The following PATJ variants were observed in gnomAD, a reference collection of about 807,000 sequenced individuals.
The protein encoded by PATJ is inaD-like protein.
A neutral mutation model predicts 224.9 loss-of-function variants in PATJ; 190 were observed. That is an observed-to-expected ratio of 0.84 (90% CI 0.75 to 0.95). The LOEUF is 0.95. Ranked by LOEUF, PATJ falls within the 40% of genes least tolerant of loss-of-function variation. The probability of loss-of-function intolerance (pLI) is 0.00; values close to 1 mark genes in which losing one functional copy is unlikely to be tolerated. For missense variants in PATJ, 2,121 were observed against 2,270.3 expected, an observed-to-expected ratio of 0.93 and a Z score of 1.34; for synonymous variants, 769 against 820.3, an observed-to-expected ratio of 0.94 and a Z score of 1.07.
chr1:61,900,691 G>A (rs1226538746), intron 23 of PATJ, among the ~76,000 whole-genome samples: 6 of 152,022 alleles, frequency 3.9e-5, no homozygotes, highest in Admixed American at 1.3e-4. Context: ...CCGGGTTCAC[G>A]CCATTCTCCT....
At chr1:61,891,450 A>T (rs1669597435) in intron 22 of PATJ, among the ~76,000 whole-genome samples, 1 of 152,168 alleles carries the variant, frequency 6.6e-6, no homozygotes, top group Non-Finnish European at 1.5e-5. Flanking sequence ...TGCATTTCAG[A>T]GAGAGGGCTA....
chr1:61,794,501 TTG>T (rs1412257520), intron 9 of PATJ, among the ~76,000 whole-genome samples: 3 of 152,142 alleles, frequency 2.0e-5, no homozygotes, highest in African/African-American at 7.2e-5. Context: ...TGCAGATCTA[TTG>T]TGTTTTATTT....
At chr1:61,909,220 T>C (rs1202143095) in intron 25 of PATJ, among the ~76,000 whole-genome samples, 1 of 152,194 alleles carries the variant, frequency 6.6e-6, no homozygotes, top group Non-Finnish European at 1.5e-5. Flanking sequence ...CCTCAAGTGA[T>C]CTGCGCACCT....
intron 43 of PATJ, among the ~76,000 whole-genome samples, chr1:62,158,653 A>T (rs796981708): frequency 6.8e-5 from 9 of 132,904 alleles, no homozygotes; most frequent in African/African-American, 2.3e-4. Context: ...CCGGCGAGGC[A>T]GAGCTTGCAG....
intron 33 of PATJ, among the ~76,000 whole-genome samples, chr1:62,094,375 C>T (rs1488418468): frequency 6.6e-6 from 1 of 152,016 alleles, no homozygotes; most frequent in Non-Finnish European, 1.5e-5. Context: ...GCGTGGGTGA[C>T]AAAGTAAGAC....
intron 8 of PATJ, among the ~76,000 whole-genome samples, chr1:61,788,218 A>G (rs1649004578): frequency 6.6e-6 from 1 of 152,192 alleles, no homozygotes; most frequent in South Asian, 2.1e-4. Context: ...GAATAATAAT[A>G]CTTGCCTTGT....
intron 28 of PATJ, among the ~76,000 whole-genome samples, chr1:62,014,973 C>T (rs1409758708): frequency 6.6e-6 from 1 of 152,066 alleles, no homozygotes. Context: ...ATAATCTAGA[C>T]AGTGGACGTA....
At chr1:61,753,086 C>T (rs1468284885) in intron 1 of PATJ, among the ~76,000 whole-genome samples, 1 of 152,096 alleles carries the variant, frequency 6.6e-6, no homozygotes, top group Non-Finnish European at 1.5e-5. Flanking sequence ...TTAGACACAT[C>T]CTGAGCTTTG....
chr1:61,996,746 T>C (rs28439277), intron 28 of PATJ, among the ~76,000 whole-genome samples: 5 of 94,006 alleles, frequency 5.3e-5, no homozygotes, highest in East Asian at 2.3e-4. Flanking sequence ...CTTTTCTTTT[T>C]TTTTTTTTTT....
chr1:61,944,794 A>T (rs1208342116), intron 27 of PATJ, among the ~76,000 whole-genome samples: 1 of 152,236 alleles, frequency 6.6e-6, no homozygotes, highest in African/African-American at 2.4e-5. Flanking sequence ...CGAAGTTGAA[A>T]TGAAGGAAAA....
intron 1 of PATJ, among the ~76,000 whole-genome samples, chr1:61,745,938 T>TTTTA (rs1432736463): frequency 6.6e-6 from 1 of 150,938 alleles, no homozygotes; most frequent in Admixed American, 6.6e-5. Flanking sequence ...TATTCATTTA[T>TTTTA]TTTATTTATT....
chr1:62,137,967 A>G (rs1484833642), intron 41 of PATJ, among the ~76,000 whole-genome samples: 2 of 151,570 alleles, frequency 1.3e-5, no homozygotes, highest in African/African-American at 4.8e-5. Flanking sequence ...TCCTCGGATG[A>G]GGAGATTTTC....
intron 27 of PATJ, among the ~76,000 whole-genome samples, chr1:61,933,156 G>A (rs1424150280): frequency 4.6e-5 from 7 of 152,154 alleles, no homozygotes; most frequent in African/African-American, 1.4e-4. Context: ...TCAATGCGTA[G>A]CTCTTGGCAA....
intron 17 of PATJ, among the ~76,000 whole-genome samples, chr1:61,845,322 G>A (rs1661758752): frequency 6.6e-6 from 1 of 152,150 alleles, no homozygotes; most frequent in African/African-American, 2.4e-5. Flanking sequence ...TCCTGAGTCT[G>A]TGGTTTTGTC....
At chr1:61,925,866 A>G (rs759521466) in intron 26 of PATJ, among the ~76,000 whole-genome samples, 10 of 152,254 alleles carry the variant, frequency 6.6e-5, no homozygotes, top group African/African-American at 9.6e-5. Flanking sequence ...TTAAGATTCC[A>G]ATTTAGATAC....
At position 61,753,655 on chromosome 1, in the gene PATJ, G is replaced by A. The variant is rs112172836; in HGVS notation, c.-35-9203G>A. Among the ~76,000 whole-genome samples the A allele has an allele frequency of 3.0e-3, 458 of 151,840 alleles. 3 individuals are homozygous for A. Among genetic ancestry groups the A allele is most frequent in the African/African-American group, 0.011 (437 of 41,454 alleles). On this transcript the variant is annotated intron_variant, in intron 1 of 43. Coordinates refer to ENST00000642238, the MANE Select transcript of PATJ (RefSeq NM_001350145.3). ...CTCCCGAGTAGCTGGGATTACAGGTGTGCATCACCACGTCAAGCTGATTTT... is the reference window on the plus strand; with the variant it reads ...CTCCCGAGTAGCTGGGATTACAGGTATGCATCACCACGTCAAGCTGATTTT...
intron 33 of PATJ, among the ~76,000 whole-genome samples, chr1:62,094,564 C>A (rs1661167663): frequency 1.9e-5 from 1 of 54,052 alleles, no homozygotes; most frequent in South Asian, 7.8e-4. Flanking sequence ...TCTCAACACA[C>A]ACACACACAC....
intron 27 of PATJ, among the ~76,000 whole-genome samples, chr1:61,946,620 C>G (rs1678760450): frequency 6.6e-6 from 1 of 152,100 alleles, no homozygotes; most frequent in African/African-American, 2.4e-5. Flanking sequence ...GGATTCACAG[C>G]CGAATTCTAC....
chr1:61,921,481 A>G (rs1039846944), intron 26 of PATJ, among the ~76,000 whole-genome samples: 2 of 152,094 alleles, frequency 1.3e-5, no homozygotes, highest in African/African-American at 2.4e-5. Context: ...GAAGATGGTG[A>G]TTATTGCTTG....
Sources: allele counts gnomAD v4.1 joint callset (sites outside exome capture counted in the v4.1 genomes callset), GRCh38; gene constraint gnomAD v4.1.1; transcripts MANE v1.5; gene names NCBI Gene and HGNC (gene_info 2026-07-23, HGNC 2026-07-21).